The following ATXN7 variants were observed in gnomAD, a reference collection of about 807,000 sequenced individuals.
ATXN7 encodes ataxin 7.
A neutral mutation model predicts 70.5 loss-of-function variants in ATXN7; 12 were observed. The observed-to-expected ratio is 0.17, with a 90% CI of 0.11 to 0.28. The LOEUF (loss-of-function observed/expected upper bound fraction) is 0.28, where lower values mean the gene tolerates loss of function less well. Ranked by LOEUF, ATXN7 falls within the 10% of genes least tolerant of loss-of-function variation. ATXN7 has a pLI of 1.00. For missense variants in ATXN7, 1,256 were observed against 1,131.7 expected (o/e 1.11, Z -1.58); for synonymous variants, 498 against 448.7 (o/e 1.11, Z -1.39).
At chr3:63,985,755 G>A (rs910743576) in intron 8 of ATXN7, among the ~76,000 whole-genome samples, 2 of 152,154 alleles carry the variant, frequency 1.3e-5, no homozygotes, top group Non-Finnish European at 2.9e-5. Context: ...CTTCCACGCG[G>A]AGAGATTTGT....
chr3:63,996,757 G>C (rs1218188131), intron 12 of ATXN7: 2 of 447,290 alleles, frequency 4.5e-6, no homozygotes, highest in African/African-American at 3.9e-5. Context: ...GCTGCAGAAA[G>C]CATCGGTTGT....
intron 11 of ATXN7, among the ~76,000 whole-genome samples, chr3:63,994,447 C>A (rs2075723812): frequency 6.6e-6 from 1 of 152,276 alleles, no homozygotes; most frequent in Non-Finnish European, 1.5e-5. Context: ...GTTGGCCAGG[C>A]TGGTCTCAAA....
chr3:63,886,554 G>C (rs1342316980), intron 1 of ATXN7, among the ~76,000 whole-genome samples: 1 of 152,144 alleles, frequency 6.6e-6, no homozygotes, highest in East Asian at 1.9e-4. Context: ...GTTGGTATTG[G>C]TTCATTAGCT....
chr3:63,965,104 T>C (rs2075197800), intron 5 of ATXN7, among the ~76,000 whole-genome samples: 2 of 152,190 alleles, frequency 1.3e-5, no homozygotes. Context: ...CCAAGATTTG[T>C]AGGGGACTTG....
At chr3:63,945,541 A>G (rs1460793338) in intron 4 of ATXN7, among the ~76,000 whole-genome samples, 8 of 152,234 alleles carry the variant, frequency 5.3e-5, no homozygotes, top group Non-Finnish European at 1.0e-4. Flanking sequence ...TAAAAGCACA[A>G]TTATAACCTT....
At chr3:63,957,951 C>T (rs1373882623) in intron 5 of ATXN7, among the ~76,000 whole-genome samples, 2 of 152,102 alleles carry the variant, frequency 1.3e-5, no homozygotes, top group Admixed American at 1.3e-4. Flanking sequence ...CCACGTAAGA[C>T]AAATACCCTT....
intron 1 of ATXN7, among the ~76,000 whole-genome samples, chr3:63,894,239 GC>G (rs1271404545): frequency 2.0e-5 from 3 of 152,196 alleles, no homozygotes; most frequent in Non-Finnish European, 4.4e-5. Context: ...AGGAAAGTTG[GC>G]CCCTGTGGCC....
chr3:63,965,936 T>A (rs1467544837), intron 5 of ATXN7, among the ~76,000 whole-genome samples: 1 of 152,222 alleles, frequency 6.6e-6, no homozygotes, highest in East Asian at 1.9e-4. Flanking sequence ...AAAAATAAGT[T>A]AAAATTCGTT....
chr3:63,953,327 G>A (rs2074987263), intron 5 of ATXN7, among the ~76,000 whole-genome samples: 1 of 152,136 alleles, frequency 6.6e-6, no homozygotes, highest in South Asian at 2.1e-4. Flanking sequence ...TAGAATAAGA[G>A]CGTTTGATGC....
chr3:63,966,216 A>G (rs898184199), intron 5 of ATXN7, among the ~76,000 whole-genome samples: 5 of 152,112 alleles, frequency 3.3e-5, no homozygotes, highest in Non-Finnish European at 7.4e-5. Context: ...AGTGATAGGG[A>G]AGTGAGATTT....
At chr3:63,969,816 C>A (rs936975677) in intron 5 of ATXN7, among the ~76,000 whole-genome samples, 3 of 152,154 alleles carry the variant, frequency 2.0e-5, no homozygotes, top group African/African-American at 7.2e-5. Flanking sequence ...TTTTCCCTAA[C>A]ACATAGAGGA....
At chr3:63,977,608 GA>G (rs1348472082) in intron 5 of ATXN7, among the ~76,000 whole-genome samples, 3 of 152,138 alleles carry the variant, frequency 2.0e-5, no homozygotes, top group Admixed American at 6.5e-5. Flanking sequence ...TATTGTTTTG[GA>G]AAAAAATCTA....
intron 4 of ATXN7, among the ~76,000 whole-genome samples, chr3:63,932,307 AAG>A (rs2074562556): frequency 6.6e-6 from 1 of 152,224 alleles, no homozygotes; most frequent in Admixed American, 6.5e-5. Context: ...ATTAAAAGTT[AAG>A]AGTCAGAAGT....
At chr3:63,961,133 C>T (rs972022238) in intron 5 of ATXN7, among the ~76,000 whole-genome samples, 1 of 152,142 alleles carries the variant, frequency 6.6e-6, no homozygotes, top group African/African-American at 2.4e-5. Context: ...GACATGTACT[C>T]TTGGAGGGTT....
chr3:63,975,156 A>G (rs939637139), intron 5 of ATXN7, among the ~76,000 whole-genome samples: 3 of 152,210 alleles, frequency 2.0e-5, no homozygotes, highest in African/African-American at 7.2e-5. Context: ...TCATTCTCAA[A>G]ACAAGCTTTA....
chr3:63,919,548 T>C (rs1392677494), intron 4 of ATXN7, among the ~76,000 whole-genome samples: 3 of 152,142 alleles, frequency 2.0e-5, no homozygotes, highest in East Asian at 3.8e-4. Flanking sequence ...AGAGTAGAAA[T>C]GGTTTCACAT....
At chr3:63,914,094 C>T (rs1704165307) in intron 4 of ATXN7, among the ~76,000 whole-genome samples, 1 of 152,090 alleles carries the variant, frequency 6.6e-6, no homozygotes, top group Admixed American at 6.5e-5. Context: ...AGGTTTGGCC[C>T]CGGAATACTG....
intron 4 of ATXN7, among the ~76,000 whole-genome samples, chr3:63,949,732 G>A (rs1237636704): frequency 2.0e-5 from 3 of 152,090 alleles, no homozygotes; most frequent in African/African-American, 7.2e-5. Flanking sequence ...GAATGAACTG[G>A]GTTTAAGTAT....
intron 4 of ATXN7, among the ~76,000 whole-genome samples, chr3:63,914,102 C>T (rs890740523): frequency 6.6e-6 from 1 of 152,170 alleles, no homozygotes; most frequent in Non-Finnish European, 1.5e-5. Context: ...CCCCGGAATA[C>T]TGAGTTTATA....
Sources: allele counts gnomAD v4.1 joint callset (sites outside exome capture counted in the v4.1 genomes callset), GRCh38; gene constraint gnomAD v4.1.1; transcripts MANE v1.5; gene names NCBI Gene and HGNC (gene_info 2026-07-23, HGNC 2026-07-21).